The following LTBP1 variants were observed in gnomAD, a reference collection of about 807,000 sequenced individuals.
The protein encoded by LTBP1 is latent transforming growth factor beta binding protein 1, also known as latent-transforming growth factor beta-binding protein 1.
Under a neutral mutation model 207.6 loss-of-function variants are expected in LTBP1, and 129 were observed. The ratio of observed to expected loss-of-function variants is 0.62; its 90% CI spans 0.54 to 0.72. LTBP1 has a LOEUF of 0.72. Among genes scored for constraint, LTBP1 ranks in the 30% least tolerant of loss-of-function variants. The probability of loss-of-function intolerance (pLI) is 0.00; values close to 1 mark genes in which losing one functional copy is unlikely to be tolerated. For synonymous variants in LTBP1, 963 were observed against 833.7 expected (o/e 1.16, Z -2.67); for missense variants, 2,281 against 2,217.2 (o/e 1.03, Z -0.58).
chr2:33,116,407 G>A (rs557300462), intron 4 of LTBP1, among the ~76,000 whole-genome samples: 1 of 152,286 alleles, frequency 6.6e-6, no homozygotes, highest in African/African-American at 2.4e-5. Context: ...AGGCATGGCA[G>A]ATGTCATGTT....
At chr2:33,044,048 T>C (rs2076324382) in intron 3 of LTBP1, among the ~76,000 whole-genome samples, 1 of 152,068 alleles carries the variant, frequency 6.6e-6, no homozygotes, top group South Asian at 2.1e-4. Flanking sequence ...GTTTTTTTTT[T>C]TTCTTCAAAA....
chr2:33,185,345 A>T (rs1454102299), intron 5 of LTBP1, among the ~76,000 whole-genome samples: 1 of 152,182 alleles, frequency 6.6e-6, no homozygotes, highest in African/African-American at 2.4e-5. Flanking sequence ...CGCTTGGTGG[A>T]TGGAGGTATT....
intron 20 of LTBP1, among the ~76,000 whole-genome samples, chr2:33,299,453 T>G (rs538502999): frequency 4.6e-5 from 7 of 152,338 alleles, no homozygotes; most frequent in African/African-American, 1.7e-4. Context: ...TTACTCCCTT[T>G]AGATTAGGGC....
At chr2:33,135,053 G>T in intron 5 of LTBP1, 93 bp downstream of exon 5, 2 of 1,255,038 alleles carry the variant, frequency 1.6e-6, no homozygotes, top group Non-Finnish European at 2.2e-6. Context: ...ACTGCTGTCT[G>T]CTTCAATGGG....
rs540850730 is a variant in LTBP1 at position 33,038,291 on chromosome 2, C to T, written c.863+17085C>T. Among the ~76,000 whole-genome samples the T allele has an allele frequency of 3.1e-4, 47 of 152,358 alleles. 1 individual carries two copies. In the South Asian group the frequency reaches 9.7e-3, roughly 32 times the overall value. Reference sequence around the variant, plus strand: ...AGACAGATGCGACTCCTCCTGTTCTCTCAGCAGTGCAGTGTTTGGTTTTTT... The same window carrying T: ...AGACAGATGCGACTCCTCCTGTTCTTTCAGCAGTGCAGTGTTTGGTTTTTT... On this transcript the variant is annotated intron_variant, in intron 3 of 33. Transcript: ENST00000404816.
intron 7 of LTBP1, among the ~76,000 whole-genome samples, chr2:33,212,808 G>A (rs576129373): frequency 2.0e-5 from 3 of 152,254 alleles, no homozygotes; most frequent in Admixed American, 2.0e-4. Context: ...AACACTCCAA[G>A]GAAATGCTCG....
chr2:33,383,817 G>A (rs1417453519), intron 31 of LTBP1, among the ~76,000 whole-genome samples: 1 of 152,274 alleles, frequency 6.6e-6, no homozygotes, highest in East Asian at 1.9e-4. Flanking sequence ...GATTACAGGC[G>A]TGAGCCACTG....
At chr2:32,952,595 G>T (rs1677324353) in intron 2 of LTBP1, among the ~76,000 whole-genome samples, 1 of 152,084 alleles carries the variant, frequency 6.6e-6, no homozygotes, top group South Asian at 2.1e-4. Flanking sequence ...TCCAAGTGGG[G>T]CATTAAACCC....
chr2:33,171,082 G>A (rs1378430497), intron 5 of LTBP1, among the ~76,000 whole-genome samples: 2 of 112,676 alleles, frequency 1.8e-5, no homozygotes, highest in Non-Finnish European at 3.9e-5. Flanking sequence ...AGAAAAACTG[G>A]AAACTCTAAA....
chr2:33,088,066 G>T (rs1173897927), intron 3 of LTBP1, among the ~76,000 whole-genome samples: 1 of 152,188 alleles, frequency 6.6e-6, no homozygotes, highest in Non-Finnish European at 1.5e-5. Context: ...AAAGCACCAG[G>T]CATGTCAAGT....
At chr2:33,017,440 G>A (rs997548166) in intron 2 of LTBP1, among the ~76,000 whole-genome samples, 6 of 152,268 alleles carry the variant, frequency 3.9e-5, no homozygotes, top group Non-Finnish European at 7.4e-5. Context: ...AGCAGGCTTG[G>A]GGTAGCCCAA....
chr2:33,393,308 A>G (rs1436814992), intron 32 of LTBP1, among the ~76,000 whole-genome samples: 1 of 110,324 alleles, frequency 9.1e-6, no homozygotes, highest in Non-Finnish European at 1.8e-5. Context: ...TTTTTAAATT[A>G]TACTTTAAGT....
intron 4 of LTBP1, among the ~76,000 whole-genome samples, chr2:33,118,865 C>T (rs2080938979): frequency 6.6e-6 from 1 of 152,136 alleles, no homozygotes; most frequent in Admixed American, 6.5e-5. Context: ...ATTCTCTTTG[C>T]CCCCTGATAG....
At chr2:32,996,134 A>G (rs1000913026) in intron 2 of LTBP1, among the ~76,000 whole-genome samples, 1 of 152,202 alleles carries the variant, frequency 6.6e-6, no homozygotes, top group Non-Finnish European at 1.5e-5. Context: ...TGTATTCAGG[A>G]TGCTATAACA....
At chr2:33,136,229 T>G (rs1215475477) in intron 5 of LTBP1, among the ~76,000 whole-genome samples, 1 of 152,204 alleles carries the variant, frequency 6.6e-6, no homozygotes, top group Non-Finnish European at 1.5e-5. Flanking sequence ...AATTTAGCCA[T>G]TAGGTGCCAA....
At chr2:33,314,813 A>G (rs76105186) in intron 23 of LTBP1, among the ~76,000 whole-genome samples, 248 of 152,336 alleles carry the variant, frequency 1.6e-3, no homozygotes, top group African/African-American at 5.6e-3. Context: ...GAAGGACAGC[A>G]TTCTCACCAA....
rs147082020 is a variant in LTBP1, at chr2:33,122,034, C to G, written c.1033+11283C>G. ...CTAGTTCTTCCCCCCACCCTGCCCCCCTCCACACACACATCTTGTCATGGC... is the reference window on the plus strand; with the variant it reads ...CTAGTTCTTCCCCCCACCCTGCCCCGCTCCACACACACATCTTGTCATGGC... On this transcript the variant is annotated intron_variant, in intron 4 of 33. Transcript: ENST00000404816. 2.0e-3 allele frequency among the ~76,000 whole-genome samples: 308 copies of G among 151,842 alleles called. 2 individuals carry two copies. Among genetic ancestry groups the G allele is most frequent in the African/African-American group, 7.3e-3 (301 of 41,292 alleles).
At chr2:33,354,707 CACACACACACACACACACACA>C (rs771784819) in intron 26 of LTBP1, among the ~76,000 whole-genome samples, 9 of 151,104 alleles carry the variant, frequency 6.0e-5, no homozygotes, top group Non-Finnish European at 4.4e-5. Flanking sequence ...CACACACACA[CACACACACACACACACACACA>C]CCATTGTATC....
chr2:33,271,634 A>G (rs538962026), intron 15 of LTBP1, among the ~76,000 whole-genome samples: 77 of 152,312 alleles, frequency 5.1e-4, no homozygotes, highest in African/African-American at 1.8e-3. Flanking sequence ...GCTTAGTGTA[A>G]AAATTTTAAA....
Sources: allele counts gnomAD v4.1 joint callset (sites outside exome capture counted in the v4.1 genomes callset), GRCh38; gene constraint gnomAD v4.1.1; transcripts MANE v1.5; gene names NCBI Gene and HGNC (gene_info 2026-07-23, HGNC 2026-07-21).